Variants in RSF1 observed in about 807,000 individuals in gnomAD.
The protein encoded by RSF1 is HBV pX-associated protein 8.
In RSF1, 13 loss-of-function variants were observed where a neutral mutation model predicts 145.2. The ratio of observed to expected loss-of-function variants is 0.09; its 90% CI spans 0.06 to 0.14. The LOEUF (loss-of-function observed/expected upper bound fraction) is 0.14, where lower values mean the gene tolerates loss of function less well. Ranked by LOEUF, RSF1 falls within the 10% of genes least tolerant of loss-of-function variation. The pLI, the probability that RSF1 is intolerant of heterozygous loss-of-function variation, is 1.00. For synonymous variants in RSF1, 577 were observed against 592.6 expected (o/e 0.97, Z 0.38); for missense variants, 1,517 against 1,718.2 (o/e 0.88, Z 2.07).
At chr11:77,677,118 T>TC in intron 12 of RSF1, 119 bp from the exon 13 acceptor site, 4 of 763,950 alleles carry the variant, frequency 5.2e-6, no homozygotes, top group Non-Finnish European at 8.5e-6. Flanking sequence ...TTTATTTTCT[T>TC]CCAACAAATA....
intron 1 of RSF1, among the ~76,000 whole-genome samples, chr11:77,816,767 ATCT>A (rs1948785671): frequency 6.6e-6 from 1 of 152,210 alleles, no homozygotes; most frequent in Non-Finnish European, 1.5e-5. Context: ...AACCACCATC[ATCT>A]ACCTCCAGTT....
Position 77,701,459 on chromosome 11 carries a change from C to T in RSF1, c.1770G>A (p.Lys590=). ...PILECLEKLE[K]SKKTFLDKDA... is the part of the protein sequence containing the mutation. ...CCTTATCAAGAAAAGTCTTTTTGGA[C>T]TTCTCTAACTTTTCAAGACATTCTA... The change falls in exon 6 of 16, where the codon AAG becomes AAA. Residue 590 remains lysine (K), a synonymous_variant. Transcript: ENST00000308488. The T allele has an allele frequency of 6.2e-7, 1 of 1,614,078 alleles. No individual in the cohort carries two copies. Among genetic ancestry groups the T allele is most frequent in the Non-Finnish European group, 8.5e-7 (1 of 1,180,004 alleles).
chr11:77,733,577 T>G (rs1961262298), intron 4 of RSF1, among the ~76,000 whole-genome samples: 1 of 105,990 alleles, frequency 9.4e-6, no homozygotes, highest in Admixed American at 1.0e-4. Flanking sequence ...TTTTTTTTTT[T>G]GAGACACAGG....
chr11:77,685,198 G>A (rs1305681302), intron 9 of RSF1, 39 bp from the exon 10 acceptor site: 2 of 1,284,284 alleles, frequency 1.6e-6, no homozygotes, highest in Non-Finnish European at 2.2e-6. Context: ...GAGATTTGCA[G>A]AAAATAAAAC....
intron 7 of RSF1, among the ~76,000 whole-genome samples, chr11:77,696,397 C>G (rs1361130571): frequency 6.6e-6 from 1 of 152,170 alleles, no homozygotes; most frequent in Admixed American, 6.5e-5. Flanking sequence ...AGACAAGGAC[C>G]ATGCCTTTCT....
chr11:77,764,312 T>G (rs1381499072), intron 2 of RSF1: 1 of 292,912 alleles, frequency 3.4e-6, no homozygotes, highest in Non-Finnish European at 6.2e-6. Flanking sequence ...CTTGATGTGA[T>G]CAGGGTGATT....
At chr11:77,766,225 T>C (rs915218905) in intron 1 of RSF1, among the ~76,000 whole-genome samples, 1 of 152,138 alleles carries the variant, frequency 6.6e-6, no homozygotes, top group South Asian at 2.1e-4. Flanking sequence ...ATATCCAAAA[T>C]AGGTACATAA....
rs552540942 is a variant in RSF1 at position 77,670,846 on chromosome 11, C to T, written c.3751+1196G>A. On this transcript the variant is annotated intron_variant, in intron 15 of 15. Transcript: ENST00000308488. The stretch of plus-strand genomic sequence containing the variant: ...ATAAAGCCGGGCGCGGTGGCTCACG[C>T]CTGTAATCCCAGCACTTTGGGAGGC... 4.6e-5 allele frequency among the ~76,000 whole-genome samples: 7 copies of T among 151,896 alleles called. No individual in the cohort carries two copies. In the South Asian group the frequency reaches 1.5e-3, roughly 32 times the overall value.
intron 1 of RSF1, among the ~76,000 whole-genome samples, chr11:77,816,782 G>T (rs1306360380): frequency 6.6e-6 from 1 of 152,178 alleles, no homozygotes; most frequent in African/African-American, 2.4e-5. Flanking sequence ...CCTCCAGTTA[G>T]GAGAAACCTG....
chr11:77,803,030 A>G (rs1948641311), intron 1 of RSF1, among the ~76,000 whole-genome samples: 2 of 152,186 alleles, frequency 1.3e-5, no homozygotes, highest in Admixed American at 1.3e-4. Flanking sequence ...ATATACTATG[A>G]ACAAATGGGA....
rs1392060801 is a variant in RSF1, at chr11:77,728,337, T to A, written c.579-2638A>T. 3.3e-5 allele frequency among the ~76,000 whole-genome samples: 5 copies of A among 152,172 alleles called. No homozygotes were observed. In the East Asian group the frequency reaches 7.7e-4, roughly 23 times the overall value. ...GCCATAAAAAGGAATAAAGTTCTGA[T>A]TTATATTACACGGATAAACTTTGTA... On this transcript the variant is annotated intron_variant, in intron 4 of 15. Transcript: ENST00000308488.
chr11:77,749,463 A>AC (rs1948037410), intron 2 of RSF1, among the ~76,000 whole-genome samples: 1 of 152,108 alleles, frequency 6.6e-6, no homozygotes, highest in African/African-American at 2.4e-5. Flanking sequence ...AATGCCAAGT[A>AC]TGGGGAAGCT....
chr11:77,726,154 C>T (rs2135887689), intron 4 of RSF1, among the ~76,000 whole-genome samples: 1 of 152,168 alleles, frequency 6.6e-6, no homozygotes, highest in East Asian at 1.9e-4. Flanking sequence ...AATTAAGATC[C>T]AGAACTTTCT....
upstream of RSF1, chr11:77,821,089 C>T: frequency 2.2e-6 from 1 of 452,134 alleles, no homozygotes. Context: ...CCAATGGACG[C>T]AGAGGGGGCG....
intron 4 of RSF1, among the ~76,000 whole-genome samples, chr11:77,731,703 A>G (rs1464023693): frequency 6.6e-6 from 1 of 152,258 alleles, no homozygotes; most frequent in African/African-American, 2.4e-5. Flanking sequence ...CTGCCAATGC[A>G]GAGCTCAGGC....
chr11:77,673,772 C>T (rs1235436121), intron 14 of RSF1, among the ~76,000 whole-genome samples: 1 of 152,182 alleles, frequency 6.6e-6, no homozygotes, highest in Non-Finnish European at 1.5e-5. Flanking sequence ...GAAGATGCAA[C>T]ATTCTCTGTG....
intron 1 of RSF1, among the ~76,000 whole-genome samples, chr11:77,810,820 T>C (rs528711628): frequency 5.0e-4 from 76 of 152,330 alleles, no homozygotes; most frequent in African/African-American, 1.8e-3. Flanking sequence ...AAAACAGAGA[T>C]CATCATCTGA....
chr11:77,810,894 C>T (rs1302902868), intron 1 of RSF1, among the ~76,000 whole-genome samples: 1 of 152,136 alleles, frequency 6.6e-6, no homozygotes, highest in Non-Finnish European at 1.5e-5. Context: ...AAGGGCTAGA[C>T]AGATAATAAG....
chr11:77,863,562 T>C, the RSF1 span, among the ~76,000 whole-genome samples: 5 of 152,198 alleles, frequency 3.3e-5, no homozygotes, highest in African/African-American at 4.8e-5. Flanking sequence ...CTAATTTCTG[T>C]AATTTTAGTA....
Sources: gnomAD v4.1 joint callset for allele counts (sites outside exome capture counted in the v4.1 genomes callset) on GRCh38, gnomAD v4.1.1 for gene constraint, MANE v1.5 for transcripts, NCBI Gene and HGNC (gene_info 2026-07-23, HGNC 2026-07-21) for gene names.